Variants in BCL2L14 observed in about 807,000 individuals in gnomAD.
BCL2L14 encodes the protein BCL2 like 14.
BCL2L14 carries 27 observed loss-of-function variants against 35.3 expected under a neutral mutation model. The observed-to-expected ratio is 0.76, with a 90% CI of 0.56 to 1.05. The LOEUF (loss-of-function observed/expected upper bound fraction) is 1.05, where lower values mean the gene tolerates loss of function less well. Among genes scored for constraint, BCL2L14 ranks in the 50% least tolerant of loss-of-function variants. BCL2L14 has a pLI of 0.00. For synonymous variants in BCL2L14, 139 were observed against 145.9 expected (o/e 0.95, Z 0.34); for missense variants, 377 against 382.6 (o/e 0.99, Z 0.12).
chr12:12,073,602 G>GCACA (rs58315357), intron 1 of BCL2L14, among the ~76,000 whole-genome samples: 3,776 of 151,558 alleles, frequency 0.025, 157 homozygotes, highest in African/African-American at 0.087. Flanking sequence ...GCATGCACGC[G>GCACA]CACACACACA....
intron 4 of BCL2L14, among the ~76,000 whole-genome samples, chr12:12,091,504 G>C (rs1434369576): frequency 1.3e-5 from 2 of 152,222 alleles, no homozygotes; most frequent in African/African-American, 4.8e-5. Context: ...AGACGACTGA[G>C]TAGTCTCTAG....
At chr12:12,062,532 C>T (rs1275221113) in intron 2 of BCL2L14, among the ~76,000 whole-genome samples, 1 of 151,624 alleles carries the variant, frequency 6.6e-6, no homozygotes, top group Non-Finnish European at 1.5e-5. Context: ...TCTACTACTC[C>T]TCAGGGATTA....
intron 2 of BCL2L14, chr12:12,055,308 G>C (rs1948415368): frequency 6.6e-6 from 1 of 152,170 alleles, no homozygotes; most frequent in Non-Finnish European, 1.5e-5. Context: ...TGACATCGTT[G>C]TCAGAAGCCT....
chr12:12,089,606 G>A (rs1383159426), intron 3 of BCL2L14, among the ~76,000 whole-genome samples: 2 of 151,956 alleles, frequency 1.3e-5, no homozygotes, highest in South Asian at 2.1e-4. Context: ...GCTGAGGCAG[G>A]AGAATCACTT....
At chr12:12,058,778 C>T (rs550791621) in intron 2 of BCL2L14, among the ~76,000 whole-genome samples, 17 of 152,322 alleles carry the variant, frequency 1.1e-4, no homozygotes, top group Non-Finnish European at 2.2e-4. Context: ...CACCGACGCG[C>T]ATGAAATTTG....
chr12:12,056,541 G>C (rs1948435604), intron 2 of BCL2L14, among the ~76,000 whole-genome samples: 1 of 152,184 alleles, frequency 6.6e-6, no homozygotes, highest in Admixed American at 6.5e-5. Flanking sequence ...TTAAAACACA[G>C]TTAATAGGCT....
intron 2 of BCL2L14, among the ~76,000 whole-genome samples, chr12:12,065,458 C>T (rs1347400514): frequency 6.6e-6 from 1 of 151,268 alleles, no homozygotes; most frequent in Non-Finnish European, 1.5e-5. Context: ...ATCGCTTGAA[C>T]CGGGGAGGCG....
At position 12,094,759 on chromosome 12, in the gene BCL2L14, C is replaced by A; in HGVS notation, c.774C>A (p.Asp258Glu). ...TITDQVLMGV[D>E]PRGESEVKAQ... is the part of the protein sequence containing the mutation. ...CAGACCAGGTCCTAATGGGTGTGGACCCCAGGGGAGAATCAGAGGTCAAAG... is the reference window on the plus strand; with the variant it reads ...CAGACCAGGTCCTAATGGGTGTGGAACCCAGGGGAGAATCAGAGGTCAAAG... Residue 258 changes from aspartate (D) to glutamate (E), a missense_variant, in exon 5 of 6, where the codon GAC becomes GAA. Physicochemically the swap from Asp to Glu is conservative, Grantham distance 45 (BLOSUM62 2). Transcript: ENST00000308721. 1 of 1,614,108 alleles carries A rather than the reference C, an allele frequency of 6.2e-7. No individual in the cohort carries two copies. Among genetic ancestry groups the A allele is most frequent in the Non-Finnish European group, 8.5e-7 (1 of 1,180,022 alleles).
At chr12:12,061,235 G>C (rs1174715731) in intron 2 of BCL2L14, among the ~76,000 whole-genome samples, 1 of 151,394 alleles carries the variant, frequency 6.6e-6, no homozygotes, top group Non-Finnish European at 1.5e-5. Flanking sequence ...TCAGTTCAAA[G>C]CCTCCTTCAC....
chr12:12,050,100 A>G (rs1184247228), intron 1 of BCL2L14: 1 of 152,250 alleles, frequency 6.6e-6, no homozygotes, highest in African/African-American at 2.4e-5. Flanking sequence ...TAGTCTACTG[A>G]CCTCCCTGAG....
At chr12:12,088,383 G>A (rs1325265029) in intron 3 of BCL2L14, among the ~76,000 whole-genome samples, 4 of 152,250 alleles carry the variant, frequency 2.6e-5, no homozygotes, top group African/African-American at 7.2e-5. Flanking sequence ...TATTACGCAA[G>A]TGGGCTTTCC....
chr12:12,060,102 C>G (rs963125803), intron 2 of BCL2L14, among the ~76,000 whole-genome samples: 3 of 151,478 alleles, frequency 2.0e-5, no homozygotes, highest in Non-Finnish European at 2.9e-5. Context: ...CGAGCTAGGT[C>G]GCAATTCTTC....
rs559057813 is a variant in BCL2L14, at chr12:12,083,942, A to G, written c.434-3271A>G. ...CAGCTTGGATGACGGGGTGAAAAAA[A>G]GAATTCCTGGGAATTCTGCCATCCC... is the stretch of plus-strand genomic sequence containing the variant. On this transcript the variant is annotated intron_variant, in intron 2 of 5. Coordinates refer to ENST00000308721, the MANE Select transcript of BCL2L14 (RefSeq NM_138723.2). 1.7e-4 allele frequency among the ~76,000 whole-genome samples: 26 copies of G among 152,238 alleles called. 1 individual carries two copies. The highest frequency in any genetic ancestry group is 6.3e-4 in the African/African-American group (26 of 41,534).
At position 12,063,545 on chromosome 12, in the gene BCL2L14, G is replaced by A. The variant is rs547838759; in HGVS notation, c.-272+11698G>A. On this transcript the variant is annotated intron_variant, in intron 2 of 3. Coordinates refer to the BCL2L14 transcript ENST00000461264. ...AATCTCTCCCACTCTAGGTTCCCAC[G>A]CCACCCCAATCCCACTCGAAGCAGC... Among the ~76,000 whole-genome samples the A allele has an allele frequency of 1.7e-3, 256 of 151,814 alleles. 1 individual carries two copies. Among genetic ancestry groups the A allele is most frequent in the African/African-American group, 5.9e-3 (245 of 41,388 alleles).
chr12:12,052,530 T>C (rs184782010), intron 2 of BCL2L14, among the ~76,000 whole-genome samples: 4 of 152,364 alleles, frequency 2.6e-5, no homozygotes, highest in African/African-American at 7.2e-5. Flanking sequence ...GATTCATCCA[T>C]GTTGTCCCAA....
At chr12:12,098,638 G>C (rs1279901004) in intron 5 of BCL2L14, among the ~76,000 whole-genome samples, 1 of 152,210 alleles carries the variant, frequency 6.6e-6, no homozygotes, top group African/African-American at 2.4e-5. Flanking sequence ...TGAAAGGAGA[G>C]AGTTGTAACC....
At chr12:12,064,398 C>T (rs1948569384) in intron 2 of BCL2L14, among the ~76,000 whole-genome samples, 1 of 151,742 alleles carries the variant, frequency 6.6e-6, no homozygotes, top group Admixed American at 6.6e-5. Flanking sequence ...CCCAAAAGCA[C>T]ACCCAAAAGG....
At position 12,094,835 on chromosome 12, in the gene BCL2L14, G is replaced by T. The variant is rs762783178; in HGVS notation, c.850G>T (p.Ala284Ser). 69 of 1,614,082 alleles carry T rather than the reference G, an allele frequency of 4.3e-5. No individual in the cohort carries two copies. The highest frequency in any genetic ancestry group is 5.3e-5 in the Non-Finnish European group (63 of 1,180,046). The change falls in exon 5 of 6, where the codon GCT becomes TCT. Residue 284 changes from alanine (A) to serine (S), a missense_variant. By Grantham distance (99) the Ala-to-Ser change is moderately conservative. Transcript: ENST00000308721. ...AATAGACGTCACGGCCAAGCTCACAGCTATTGACAACCACCCGATGAACAG... is the reference window on the plus strand; with the variant it reads ...AATAGACGTCACGGCCAAGCTCACATCTATTGACAACCACCCGATGAACAG... ...LVIDVTAKLT[A>S]IDNHPMNRVL...
chr12:12,086,945 A>G (rs1007863364), intron 2 of BCL2L14, among the ~76,000 whole-genome samples: 8 of 152,116 alleles, frequency 5.3e-5, no homozygotes, highest in Non-Finnish European at 1.2e-4. Flanking sequence ...GGGAAAGGAG[A>G]CCCTAATTTT....
Sources: allele counts gnomAD v4.1 joint callset (sites outside exome capture counted in the v4.1 genomes callset), GRCh38; gene constraint gnomAD v4.1.1; transcripts MANE v1.5; gene names NCBI Gene and HGNC (gene_info 2026-07-23, HGNC 2026-07-21).